Variants in CUL2 observed in about 807,000 individuals in gnomAD.
The protein encoded by CUL2 is cullin-2.
CUL2 carries 22 observed loss-of-function variants against 110.2 expected under a neutral mutation model. That is an observed-to-expected ratio of 0.20 (90% CI 0.14 to 0.28). CUL2 has a LOEUF of 0.28. Among genes scored for constraint, CUL2 ranks in the 10% least tolerant of loss-of-function variants. The pLI is 1.00. For synonymous variants in CUL2, 279 were observed against 293.2 expected, an observed-to-expected ratio of 0.95 and a Z score of 0.49; for missense variants, 631 against 905.5, an observed-to-expected ratio of 0.70 and a Z score of 3.89.
At chr10:35,074,984 G>C (rs1033556503) in intron 1 of CUL2, among the ~76,000 whole-genome samples, 4 of 152,098 alleles carry the variant, frequency 2.6e-5, no homozygotes, top group Non-Finnish European at 1.5e-5. Flanking sequence ...CCTCACATTC[G>C]CTTTCTCCTC....
chr10:35,032,730 G>A (rs190981246), intron 11 of CUL2, among the ~76,000 whole-genome samples: 2 of 151,676 alleles, frequency 1.3e-5, no homozygotes, highest in Admixed American at 6.6e-5. Flanking sequence ...ACTCATTATC[G>A]AAATTTGAAC....
chr10:35,020,840 C>T (rs1721278520), intron 17 of CUL2, among the ~76,000 whole-genome samples: 2 of 152,134 alleles, frequency 1.3e-5, no homozygotes, highest in Admixed American at 1.3e-4. Context: ...CAGGATTTTT[C>T]TCACTCTGTC....
Position 35,071,955 on chromosome 10 carries a change from C to T in CUL2, c.-22-616G>A, listed in dbSNP as rs191430884. Among the ~76,000 whole-genome samples, 162 of 152,198 alleles carry T rather than the reference C, an allele frequency of 1.1e-3. 1 individual carries two copies. Among genetic ancestry groups the T allele is most frequent in the African/African-American group, 3.7e-3 (152 of 41,546 alleles). ...CATTTAATATTGCGAGGGAAAGAAA[C>T]GGGGACCCACTTAACCAAAAGGCCA... is the stretch of plus-strand genomic sequence containing the variant. On this transcript the variant is annotated intron_variant, in intron 1 of 20. Coordinates refer to ENST00000374749, the MANE Select transcript of CUL2 (RefSeq NM_003591.4).
intron 1 of CUL2, among the ~76,000 whole-genome samples, chr10:35,105,031 A>T (rs928117478): frequency 6.6e-6 from 1 of 151,420 alleles, no homozygotes; most frequent in Non-Finnish European, 1.5e-5. Flanking sequence ...GCCCAGCCCA[A>T]AGACTCTTAA....
intron 16 of CUL2, 46 bp downstream of exon 16, chr10:35,028,764 T>C (rs2085395015): frequency 9.0e-6 from 11 of 1,228,354 alleles, no homozygotes; most frequent in Non-Finnish European, 1.2e-5. Flanking sequence ...ATGAAGACAA[T>C]TATTAAAATT....
chr10:35,118,729 G>C (rs1369339810), intron 1 of CUL2: 2 of 152,156 alleles, frequency 1.3e-5, no homozygotes, highest in Admixed American at 1.3e-4. Flanking sequence ...CTGCCTTGGC[G>C]ATCATGTCTA....
At chr10:35,045,407 C>CAGAGA (rs1441991541) in intron 6 of CUL2, among the ~76,000 whole-genome samples, 1 of 150,834 alleles carries the variant, frequency 6.6e-6, no homozygotes, top group Non-Finnish European at 1.5e-5. Flanking sequence ...GGCAATAGAG[C>CAGAGA]GAGACCTCAT....
At chr10:35,103,317 T>TTA (rs2087409774) in intron 1 of CUL2, among the ~76,000 whole-genome samples, 1 of 109,344 alleles carries the variant, frequency 9.1e-6, no homozygotes, top group African/African-American at 4.1e-5. Context: ...AATTTTTTTT[T>TTA]TTTTTTTTTT....
At position 35,010,186 on chromosome 10, in the gene CUL2, A is replaced by C. The variant is rs575302135; in HGVS notation, c.*125T>G. On this transcript the variant is annotated 3_prime_UTR_variant, in exon 21 of 21. Coordinates refer to ENST00000374749, the MANE Select transcript of CUL2 (RefSeq NM_003591.4). ...CATGACGTGGCACTGGTGATGTTGT[A>C]AACAGCAGAAAACAGGGGCTGCCAA... 1.0e-6 allele frequency: 1 copy of C among 964,490 alleles called. No homozygotes were observed. Among genetic ancestry groups the C allele is most frequent in the East Asian group, 3.2e-5 (1 of 31,180 alleles). 59.7% of individuals were successfully genotyped at this position (964,490 alleles called of 1,614,324 possible).
chr10:35,052,682 T>C (rs1431087352), intron 5 of CUL2, among the ~76,000 whole-genome samples: 1 of 151,998 alleles, frequency 6.6e-6, no homozygotes, highest in Admixed American at 6.5e-5. Flanking sequence ...GATCACAAGG[T>C]CAGGAGATCG....
At chr10:35,052,278 T>C (rs1159910966) in intron 5 of CUL2, among the ~76,000 whole-genome samples, 11 of 152,012 alleles carry the variant, frequency 7.2e-5, no homozygotes, top group African/African-American at 2.4e-4. Context: ...TGAATGGGGG[T>C]TGGGGAGGCA....
chr10:35,034,531 A>G (rs560876219), intron 10 of CUL2, among the ~76,000 whole-genome samples: 2 of 152,356 alleles, frequency 1.3e-5, no homozygotes, highest in African/African-American at 4.8e-5. Context: ...AAACAGCTCT[A>G]CTTAAGAAGA....
At chr10:35,085,693 T>A in intron 1 of CUL2, among the ~76,000 whole-genome samples, 2 of 127,664 alleles carry the variant, frequency 1.6e-5, no homozygotes, top group Non-Finnish European at 3.2e-5. Flanking sequence ...CCAGACTCTG[T>A]CTCAAAAAAA....
At chr10:35,044,481 A>ATTT in intron 8 of CUL2, 85 bp downstream of exon 8, 1 of 829,678 alleles carries the variant, frequency 1.2e-6, no homozygotes, top group Non-Finnish European at 1.8e-6. Context: ...ACCAAGAAAC[A>ATTT]AAACAAGAAA....
chr10:35,105,689 C>T (rs1270134089), intron 1 of CUL2, among the ~76,000 whole-genome samples: 3 of 148,102 alleles, frequency 2.0e-5, no homozygotes, highest in Non-Finnish European at 4.5e-5. Context: ...GCCTGGGCGA[C>T]AGAGCGAGAC....
At chr10:35,103,652 G>C (rs1183957439) in intron 1 of CUL2, among the ~76,000 whole-genome samples, 2 of 151,952 alleles carry the variant, frequency 1.3e-5, no homozygotes, top group Non-Finnish European at 2.9e-5. Context: ...TAGAGACGAG[G>C]TTTAAGTATG....
chr10:35,045,435 C>T (rs1025796123), intron 6 of CUL2, among the ~76,000 whole-genome samples: 1 of 151,508 alleles, frequency 6.6e-6, no homozygotes, highest in Admixed American at 6.6e-5. Context: ...AAAAATTAGC[C>T]ATGCATGGTG....
At chr10:35,115,297 C>CA (rs1178545071) in intron 1 of CUL2, among the ~76,000 whole-genome samples, 1 of 152,130 alleles carries the variant, frequency 6.6e-6, no homozygotes. Flanking sequence ...TGCAGTGGCT[C>CA]ACACCTGTAA....
Position 35,053,758 on chromosome 10 carries a change from G to GT in CUL2, c.423+675dup, listed in dbSNP as rs201387968. The stretch of plus-strand genomic sequence containing the variant: ...GTCTCCTAATGCTGCCTCTTAGCCT[G>GT]TTTATTTCCTTCATTAACATAAATC... On this transcript the variant is annotated intron_variant, in intron 5 of 20. Transcript: ENST00000374749. Among the ~76,000 whole-genome samples, 466 of 152,214 alleles carry GT rather than the reference G, an allele frequency of 3.1e-3. 1 individual carries two copies. The highest frequency in any genetic ancestry group is 0.011 in the African/African-American group (444 of 41,546).
Sources: gnomAD v4.1 joint callset for allele counts (sites outside exome capture counted in the v4.1 genomes callset) on GRCh38, gnomAD v4.1.1 for gene constraint, MANE v1.5 for transcripts, NCBI Gene and HGNC (gene_info 2026-07-23, HGNC 2026-07-21) for gene names.